Variants in COL6A5 observed in about 807,000 individuals in gnomAD.
COL6A5 encodes the protein collagen alpha-5(VI) chain.
COL6A5 carries 48 observed loss-of-function variants against 65.6 expected under a neutral mutation model. The ratio of observed to expected loss-of-function variants is 0.73; its 90% CI spans 0.58 to 0.93. COL6A5 has a LOEUF of 0.93. Ranked by LOEUF, COL6A5 falls within the 40% of genes least tolerant of loss-of-function variation. COL6A5 has a pLI of 0.00. For missense variants in COL6A5, 914 were observed against 928.3 expected (o/e 0.98, Z 0.20); for synonymous variants, 291 against 322.8 (o/e 0.90, Z 1.05).
chr3:130,454,269 A>G lies in COL6A5; in HGVS notation c.1333-1186A>G, dbSNP rs371673343. Among the ~76,000 whole-genome samples the G allele has an allele frequency of 7.2e-5, 11 of 152,288 alleles. No individual in the cohort carries two copies. In the East Asian group the frequency reaches 1.9e-3, roughly 27 times the overall value. On this transcript the variant is annotated intron_variant, in intron 4 of 7. Transcript: ENST00000512836. Reference sequence around the variant, plus strand: ...AAAAAGGTAGACATTGGTAAAATATATAAAATATGGTGCATGCTGCAGAAG... The same window carrying G: ...AAAAAGGTAGACATTGGTAAAATATGTAAAATATGGTGCATGCTGCAGAAG...
chr3:130,412,333 AACT>A (rs1286358057), intron 20 of COL6A5, among the ~76,000 whole-genome samples: 1 of 152,116 alleles, frequency 6.6e-6, no homozygotes, highest in Non-Finnish European at 1.5e-5. Flanking sequence ...AGGTCACAAG[AACT>A]ACTAAGTGGC....
At chr3:130,482,830 G>T (rs1216464043) in intron 7 of COL6A5, among the ~76,000 whole-genome samples, 1 of 152,134 alleles carries the variant, frequency 6.6e-6, no homozygotes, top group Admixed American at 6.5e-5. Flanking sequence ...GTTCACTCAT[G>T]ATTTGGCTCT....
At chr3:130,415,747 AGT>A in intron 23 of COL6A5, 40 bp downstream of exon 23, 1 of 1,457,054 alleles carries the variant, frequency 6.9e-7, no homozygotes, top group South Asian at 1.4e-5. Flanking sequence ...GACTCTCAAC[AGT>A]TATTTTCCTC....
intron 20 of COL6A5, among the ~76,000 whole-genome samples, chr3:130,410,845 T>C (rs1338825980): frequency 6.6e-6 from 1 of 152,148 alleles, no homozygotes; most frequent in Admixed American, 6.5e-5. Flanking sequence ...AGTGGTGAGT[T>C]TGAGAGGCAA....
chr3:130,455,195 A>C (rs1709541562), intron 4 of COL6A5, among the ~76,000 whole-genome samples: 1 of 151,910 alleles, frequency 6.6e-6, no homozygotes, highest in African/African-American at 2.4e-5. Context: ...CACAAATCAA[A>C]CTTGGTTATT....
At chr3:130,369,968 G>A (rs1935491121) in intron 1 of COL6A5, among the ~76,000 whole-genome samples, 1 of 152,202 alleles carries the variant, frequency 6.6e-6, no homozygotes, top group Admixed American at 6.5e-5. Flanking sequence ...TTGAAAGTGT[G>A]AGAAAGGGTG....
At chr3:130,431,733 G>A (rs1937820116) in exon 1 of COL6A5, 2 of 1,551,442 alleles carry the variant, frequency 1.3e-6, no homozygotes, top group Non-Finnish European at 1.7e-6. Context: ...ACACCACAGA[G>A]CCCCGAGATG....
chr3:130,466,186 A>G (rs1367066348), intron 5 of COL6A5, among the ~76,000 whole-genome samples: 1 of 152,000 alleles, frequency 6.6e-6, no homozygotes, highest in Non-Finnish European at 1.5e-5. Flanking sequence ...TCAAGTGCAC[A>G]TGAAACATTT....
upstream of COL6A5, chr3:130,429,468 T>G (rs1937702981): frequency 1.0e-6 from 1 of 983,688 alleles, no homozygotes; most frequent in Admixed American, 2.6e-5. Context: ...TCATTTGCAG[T>G]TAGACTCAAA....
intron 7 of COL6A5, chr3:130,471,791 T>C: frequency 6.5e-7 from 1 of 1,535,142 alleles, no homozygotes; most frequent in Non-Finnish European, 8.7e-7. Context: ...TAGTAGTGGT[T>C]CTGAGACAGC....
intron 17 of COL6A5, among the ~76,000 whole-genome samples, chr3:130,407,284 G>A (rs1039006865): frequency 6.6e-6 from 1 of 152,178 alleles, no homozygotes; most frequent in Non-Finnish European, 1.5e-5. Context: ...TTCAAGAGGT[G>A]GTGGTGGGAA....
In COL6A5 at chr3:130,416,953, C is replaced by G. The variant is rs1577487807; in HGVS notation, c.4887+134C>G. 3 of 596,552 alleles carry G rather than the reference C, an allele frequency of 5.0e-6. No individual in the cohort carries two copies. In the East Asian group the frequency reaches 9.1e-5, roughly 18 times the overall value. The allele number at this position is 596,552 out of a possible 1,614,324, so 37.0% of individuals were successfully genotyped here. A position where few individuals can be genotyped will look rare whatever the true frequency, so the allele number is the denominator to read the frequency against. On this transcript the variant is annotated intron_variant and NMD_transcript_variant, in intron 24 of 41. Coordinates refer to the COL6A5 transcript ENST00000312481. Reference sequence around the variant, plus strand: ...AAATTCTACTTTAAGTTCTGGGATACATGTGCAGAACATGCAGGTTTGTTA... The same window carrying G: ...AAATTCTACTTTAAGTTCTGGGATAGATGTGCAGAACATGCAGGTTTGTTA...
upstream of COL6A5, chr3:130,429,501 ATGT>A (rs576686103): frequency 3.7e-3 from 5,024 of 1,348,444 alleles, 15 homozygotes; most frequent in Non-Finnish European, 4.1e-3. Context: ...CTTTGTTAAA[ATGT>A]TGTTTTTTGA....
At chr3:130,404,152 A>G (rs1418246713) in intron 13 of COL6A5, among the ~76,000 whole-genome samples, 1 of 152,210 alleles carries the variant, frequency 6.6e-6, no homozygotes, top group Non-Finnish European at 1.5e-5. Flanking sequence ...AGCATCCCTC[A>G]AGATGAGAGG....
rs1709880772 is a variant in COL6A5 at position 130,468,906 on chromosome 3, G to T, written c.1658G>T (p.Arg553Ile). The change falls in exon 6 of 8, where the codon AGA (arginine) becomes ATA (isoleucine). Residue 553 changes from arginine to isoleucine, a missense_variant. Physicochemically the swap from Arg to Ile is moderately conservative, Grantham distance 97 (BLOSUM62 -3). Coordinates refer to ENST00000512836, the Ensembl canonical transcript of COL6A5. Reference sequence around the variant, plus strand: ...GCTTTCCTCATAGATGCTTCCCAAAGAGTAGGAAGTGATGAGTTTAAGGAA... The same window carrying T: ...GCTTTCCTCATAGATGCTTCCCAAATAGTAGGAAGTGATGAGTTTAAGGAA... 3 of 1,612,336 alleles carry T rather than the reference G, an allele frequency of 1.9e-6. No individual in the cohort carries two copies. The East Asian group carries it at 6.7e-5, about 36-fold the overall frequency.
At chr3:130,382,705 A>G (rs16827002) in intron 4 of COL6A5, among the ~76,000 whole-genome samples, 2,510 of 152,232 alleles carry the variant, frequency 0.016, 86 homozygotes, top group African/African-American at 0.056. Flanking sequence ...CAGAGAAACA[A>G]TCTATATCTG....
At chr3:130,445,142 T>C (rs751939812) in intron 4 of COL6A5, among the ~76,000 whole-genome samples, 41 of 152,238 alleles carry the variant, frequency 2.7e-4, no homozygotes, top group Non-Finnish European at 1.0e-4. Context: ...ATTGGTGTAA[T>C]GCCATTCTGG....
At chr3:130,370,010 G>A (rs1935493998) in intron 1 of COL6A5, among the ~76,000 whole-genome samples, 1 of 152,142 alleles carries the variant, frequency 6.6e-6, no homozygotes, top group African/African-American at 2.4e-5. Flanking sequence ...TTCAAACTTG[G>A]AGTTTCGTTG....
At chr3:130,440,660 G>A in exon 3 of COL6A5, 2 of 1,613,508 alleles carry the variant, frequency 1.2e-6, no homozygotes, top group Non-Finnish European at 1.7e-6. Flanking sequence ...TAAGTGTCAA[G>A]GCTACGTCAT....
Sources: allele counts gnomAD v4.1 joint callset (sites outside exome capture counted in the v4.1 genomes callset), GRCh38; gene constraint gnomAD v4.1.1; transcripts MANE v1.5; gene names NCBI Gene and HGNC (gene_info 2026-07-23, HGNC 2026-07-21).